IQCM: variants seen among roughly 807,000 people sequenced by gnomAD.
IQCM encodes the protein IQ domain-containing protein M.
In IQCM, 45 loss-of-function variants were observed where a neutral mutation model predicts 57.6. The observed-to-expected ratio is 0.78, with a 90% CI of 0.62 to 1.00. IQCM has a LOEUF of 1.00. IQCM is among the 50% of genes least tolerant of loss of function. The pLI is 0.00. For missense variants in IQCM, 468 were observed against 511.6 expected, an observed-to-expected ratio of 0.91 and a Z score of 0.82; for synonymous variants, 148 against 158.9, an observed-to-expected ratio of 0.93 and a Z score of 0.51.
chr4:149,525,935 A>G (rs1373526274), intron 12 of IQCM, among the ~76,000 whole-genome samples: 2 of 151,858 alleles, frequency 1.3e-5, no homozygotes, highest in Non-Finnish European at 3.0e-5. Flanking sequence ...CAAAAATTAT[A>G]AATAGGCAAT....
intron 12 of IQCM, among the ~76,000 whole-genome samples, chr4:149,499,765 C>T (rs1434175567): frequency 1.3e-5 from 2 of 152,088 alleles, no homozygotes; most frequent in Admixed American, 1.3e-4. Flanking sequence ...TTCAAGATGT[C>T]TACACAATCC....
chr4:149,697,451 G>A (rs1206249887), intron 5 of IQCM, among the ~76,000 whole-genome samples: 1 of 152,032 alleles, frequency 6.6e-6, no homozygotes, highest in East Asian at 1.9e-4. Context: ...TTAATTATAA[G>A]GAATTTTGCA....
intron 13 of IQCM, among the ~76,000 whole-genome samples, chr4:149,376,017 A>ATCTC (rs1444594481): frequency 1.3e-5 from 2 of 152,130 alleles, no homozygotes; most frequent in Non-Finnish European, 2.9e-5. Context: ...TTTATCATGC[A>ATCTC]TCTCTCCATC....
At chr4:149,494,373 T>A (rs889756928) in intron 12 of IQCM, among the ~76,000 whole-genome samples, 1 of 152,148 alleles carries the variant, frequency 6.6e-6, no homozygotes, top group South Asian at 2.1e-4. Flanking sequence ...TAGGTATGAA[T>A]GTCATTCAAA....
intron 8 of IQCM, among the ~76,000 whole-genome samples, chr4:149,590,748 A>G (rs1272895139): frequency 5.3e-5 from 8 of 152,052 alleles, no homozygotes; most frequent in Non-Finnish European, 1.2e-4. Context: ...GATGGTTTGC[A>G]GCTTCATCCA....
intron 12 of IQCM, among the ~76,000 whole-genome samples, chr4:149,459,314 C>T (rs1738028264): frequency 6.6e-6 from 1 of 152,202 alleles, no homozygotes; most frequent in Non-Finnish European, 1.5e-5. Flanking sequence ...TTGCCAGTGC[C>T]TGGCACTTGG....
intron 9 of IQCM, among the ~76,000 whole-genome samples, chr4:149,583,832 T>C (rs187761734): frequency 6.3e-4 from 95 of 151,692 alleles, no homozygotes; most frequent in Admixed American, 1.4e-3. Context: ...AATGCATTAC[T>C]TCCCTTTAGC....
chr4:149,355,560 A>C (rs534215458), intron 13 of IQCM, among the ~76,000 whole-genome samples: 91 of 152,222 alleles, frequency 6.0e-4, no homozygotes, highest in African/African-American at 1.9e-3. Flanking sequence ...ATGTCCCTAC[A>C]AAGGACGTGA....
chr4:149,464,153 C>T (rs1251171311), intron 12 of IQCM, among the ~76,000 whole-genome samples: 1 of 152,142 alleles, frequency 6.6e-6, no homozygotes, highest in African/African-American at 2.4e-5. Flanking sequence ...GAACTATTGA[C>T]TCAGAATGTT....
At chr4:149,679,661 A>T (rs1387749081) in intron 7 of IQCM, among the ~76,000 whole-genome samples, 1 of 141,526 alleles carries the variant, frequency 7.1e-6, no homozygotes, top group African/African-American at 2.6e-5. Context: ...CATGAATTGT[A>T]AAAAAAAAAG....
chr4:149,674,856 T>C (rs952369249), intron 7 of IQCM, among the ~76,000 whole-genome samples: 2 of 152,054 alleles, frequency 1.3e-5, no homozygotes, highest in African/African-American at 4.8e-5. Context: ...CAAGAGAGTG[T>C]TGTTTAGCTA....
chr4:149,363,278 T>G (rs1729616883), intron 13 of IQCM, among the ~76,000 whole-genome samples: 1 of 152,108 alleles, frequency 6.6e-6, no homozygotes, highest in Non-Finnish European at 1.5e-5. Context: ...CAAGACACCT[T>G]CATCAGGCTT....
At chr4:149,687,632 G>T (rs1288240144) in intron 5 of IQCM, among the ~76,000 whole-genome samples, 1 of 151,302 alleles carries the variant, frequency 6.6e-6, no homozygotes, top group African/African-American at 2.4e-5. Flanking sequence ...ACAAAACCAG[G>T]AAAGGACATA....
intron 8 of IQCM, among the ~76,000 whole-genome samples, chr4:149,593,313 T>C (rs1753401091): frequency 6.6e-6 from 1 of 152,186 alleles, no homozygotes; most frequent in African/African-American, 2.4e-5. Context: ...TTTTGTATCC[T>C]GAGACTTTGC....
intron 12 of IQCM, among the ~76,000 whole-genome samples, chr4:149,435,243 T>C (rs1735243082): frequency 6.6e-6 from 1 of 152,134 alleles, no homozygotes; most frequent in Non-Finnish European, 1.5e-5. Context: ...CCCTAACTGA[T>C]ACAGACAGAA....
intron 7 of IQCM, among the ~76,000 whole-genome samples, chr4:149,649,702 G>C (rs528945914): frequency 2.6e-5 from 4 of 151,978 alleles, no homozygotes; most frequent in African/African-American, 9.7e-5. Flanking sequence ...CTATTCCAAG[G>C]CCTCCATTTC....
intron 12 of IQCM, among the ~76,000 whole-genome samples, chr4:149,525,051 G>A (rs1746024941): frequency 6.6e-6 from 1 of 151,682 alleles, no homozygotes; most frequent in African/African-American, 2.4e-5. Context: ...GGAACCCAAT[G>A]TTCCTACCTA....
chr4:149,620,174 A>G (rs1055378944), intron 8 of IQCM, among the ~76,000 whole-genome samples: 2 of 152,216 alleles, frequency 1.3e-5, no homozygotes, highest in Non-Finnish European at 2.9e-5. Flanking sequence ...AAAAAAAAAG[A>G]AAAGAAGAAG....
chr4:149,389,978 T>C (rs1472565797), intron 13 of IQCM, among the ~76,000 whole-genome samples: 6 of 152,024 alleles, frequency 3.9e-5, no homozygotes, highest in Non-Finnish European at 7.4e-5. Flanking sequence ...ATATGAACTT[T>C]AGAATCAGCT....
Sources: gnomAD v4.1 joint callset for allele counts (sites outside exome capture counted in the v4.1 genomes callset) on GRCh38, gnomAD v4.1.1 for gene constraint, MANE v1.5 for transcripts, NCBI Gene and HGNC (gene_info 2026-07-23, HGNC 2026-07-21) for gene names.